The following DLG2 variants were observed in gnomAD, a reference collection of about 807,000 sequenced individuals.
DLG2 encodes discs large MAGUK scaffold protein 2.
DLG2 carries 45 observed loss-of-function variants against 132.5 expected under a neutral mutation model. That is an observed-to-expected ratio of 0.34 (90% CI 0.27 to 0.44). DLG2 has a LOEUF of 0.44. DLG2 is among the 20% of genes least tolerant of loss of function. DLG2 has a pLI of 1.00. For missense variants in DLG2, 1,045 were observed against 1,196.9 expected (o/e 0.87, Z 1.87); for synonymous variants, 424 against 419.6 (o/e 1.01, Z -0.13).
At chr11:85,516,700 T>G (rs1256194465) in intron 3 of DLG2, among the ~76,000 whole-genome samples, 1 of 151,896 alleles carries the variant, frequency 6.6e-6, no homozygotes, top group Non-Finnish European at 1.5e-5. Flanking sequence ...CCTGAACACA[T>G]AGAACCTTCC....
At chr11:85,249,852 T>C (rs2076314287) in intron 4 of DLG2, among the ~76,000 whole-genome samples, 1 of 152,148 alleles carries the variant, frequency 6.6e-6, no homozygotes, top group Admixed American at 6.6e-5. Flanking sequence ...GGGACTTCAT[T>C]CCTGAAGCAA....
At chr11:84,979,093 A>C (rs937204447) in intron 6 of DLG2, among the ~76,000 whole-genome samples, 2 of 152,222 alleles carry the variant, frequency 1.3e-5, no homozygotes, top group Non-Finnish European at 2.9e-5. Context: ...AGAAATGCAA[A>C]TCAAAACCAC....
chr11:83,541,536 G>A (rs996808734), intron 20 of DLG2, 146 bp downstream of exon 20: 1 of 740,174 alleles, frequency 1.4e-6, no homozygotes, highest in Admixed American at 3.4e-5. Flanking sequence ...CATGTCACCT[G>A]TCACCACTGA....
intron 3 of DLG2, among the ~76,000 whole-genome samples, chr11:85,353,222 C>A: frequency 6.6e-6 from 1 of 152,128 alleles, no homozygotes; most frequent in East Asian, 1.9e-4. Flanking sequence ...ATGCAGCCAA[C>A]AGACATGTGA....
intron 6 of DLG2, among the ~76,000 whole-genome samples, chr11:84,919,883 G>C (rs142105348): frequency 6.6e-6 from 1 of 152,204 alleles, no homozygotes; most frequent in Non-Finnish European, 1.5e-5. Context: ...AACTGTGTAC[G>C]TGATGATCAC....
At chr11:84,714,989 C>T (rs2061045078) in intron 6 of DLG2, among the ~76,000 whole-genome samples, 1 of 151,868 alleles carries the variant, frequency 6.6e-6, no homozygotes, top group Non-Finnish European at 1.5e-5. Context: ...GAGAGTCACC[C>T]TGTAGAAGAA....
At chr11:84,460,930 A>C (rs1268464273) in intron 7 of DLG2, among the ~76,000 whole-genome samples, 1 of 150,360 alleles carries the variant, frequency 6.7e-6, no homozygotes, top group Non-Finnish European at 1.5e-5. Context: ...CCTATAAGAG[A>C]CTCATTGAAA....
At chr11:83,908,526 A>G (rs1359019398) in intron 15 of DLG2, among the ~76,000 whole-genome samples, 1 of 151,996 alleles carries the variant, frequency 6.6e-6, no homozygotes, top group South Asian at 2.1e-4. Flanking sequence ...ACCTACAAAA[A>G]CAGAGCATAT....
intron 3 of DLG2, among the ~76,000 whole-genome samples, chr11:85,333,323 G>A (rs1431696904): frequency 6.6e-6 from 1 of 152,190 alleles, no homozygotes; most frequent in East Asian, 1.9e-4. Flanking sequence ...TTGTTTATCA[G>A]TTCTAGGATC....
At position 83,654,767 on chromosome 11, in the gene DLG2, C is replaced by A. The variant is rs140304377; in HGVS notation, c.1826-21442G>T. On this transcript the variant is annotated intron_variant, in intron 18 of 27. Coordinates refer to ENST00000376104, the MANE Select transcript of DLG2 (RefSeq NM_001142699.3). ...AGTAATTTTATTTAATGCATGGCAGCATTTTCTTAGGATATTGCCGAATGA... is the reference window on the plus strand; with the variant it reads ...AGTAATTTTATTTAATGCATGGCAGAATTTTCTTAGGATATTGCCGAATGA... Among the ~76,000 whole-genome samples the A allele has an allele frequency of 3.6e-3, 542 of 152,286 alleles. 5 individuals are homozygous for A. The highest frequency in any genetic ancestry group is 0.011 in the African/African-American group (455 of 41,556).
At chr11:83,748,768 G>C (rs529619871) in intron 18 of DLG2, among the ~76,000 whole-genome samples, 1 of 152,154 alleles carries the variant, frequency 6.6e-6, no homozygotes, top group Non-Finnish European at 1.5e-5. Context: ...TTATATTGGC[G>C]GTAGAAAATA....
At chr11:85,096,457 G>A (rs571576439) in intron 6 of DLG2, among the ~76,000 whole-genome samples, 30 of 151,148 alleles carry the variant, frequency 2.0e-4, no homozygotes, top group African/African-American at 6.3e-4. Flanking sequence ...AAAGGGCCGC[G>A]GCTTCATTCC....
intron 6 of DLG2, among the ~76,000 whole-genome samples, chr11:84,957,283 C>T (rs1490050729): frequency 1.4e-4 from 21 of 152,156 alleles, no homozygotes; most frequent in Non-Finnish European, 8.8e-5. Flanking sequence ...GTATATTTTG[C>T]TGTATCATTA....
At chr11:83,570,181 C>G (rs1372318120) in intron 19 of DLG2, among the ~76,000 whole-genome samples, 1 of 152,130 alleles carries the variant, frequency 6.6e-6, no homozygotes, top group Non-Finnish European at 1.5e-5. Flanking sequence ...ACATGTACCC[C>G]CTCAAACTCA....
intron 4 of DLG2, among the ~76,000 whole-genome samples, chr11:85,174,252 C>T (rs549532879): frequency 6.2e-4 from 94 of 151,982 alleles, no homozygotes; most frequent in African/African-American, 1.9e-3. Flanking sequence ...GCCTAAGAGG[C>T]GAAATAATAA....
intron 6 of DLG2, among the ~76,000 whole-genome samples, chr11:84,916,886 C>T (rs76532875): frequency 0.028 from 4,244 of 152,270 alleles, 153 homozygotes; most frequent in African/African-American, 0.087. Flanking sequence ...GCACTTTCTG[C>T]TACCTTTTCC....
intron 3 of DLG2, among the ~76,000 whole-genome samples, chr11:85,487,121 T>C (rs112807666): frequency 6.0e-5 from 9 of 150,002 alleles, no homozygotes; most frequent in African/African-American, 2.2e-4. Flanking sequence ...CAGCCAACAA[T>C]GTATATACAA....
At chr11:85,055,750 A>G (rs1428201785) in intron 6 of DLG2, among the ~76,000 whole-genome samples, 1 of 152,152 alleles carries the variant, frequency 6.6e-6, no homozygotes. Flanking sequence ...AGAAGCTAAG[A>G]ACTTTCAACA....
chr11:85,524,038 C>G (rs1208935697), intron 3 of DLG2, among the ~76,000 whole-genome samples: 1 of 152,068 alleles, frequency 6.6e-6, no homozygotes, highest in Non-Finnish European at 1.5e-5. Flanking sequence ...ATTAAAACAA[C>G]TGGACTCATG....
Sources: allele counts gnomAD v4.1 joint callset (sites outside exome capture counted in the v4.1 genomes callset), GRCh38; gene constraint gnomAD v4.1.1; transcripts MANE v1.5; gene names NCBI Gene and HGNC (gene_info 2026-07-23, HGNC 2026-07-21).